CREB5: variants seen among roughly 807,000 people sequenced by gnomAD.
CREB5 encodes cAMP responsive element binding protein 5, also known as cyclic AMP-responsive element-binding protein 5.
In CREB5, 19 loss-of-function variants were observed where a neutral mutation model predicts 57.1. The ratio of observed to expected loss-of-function variants is 0.33; its 90% CI spans 0.23 to 0.49. CREB5 has a LOEUF of 0.49. CREB5 is among the 20% of genes least tolerant of loss of function. CREB5 has a pLI of 0.99. For missense variants in CREB5, 579 were observed against 671.6 expected, an observed-to-expected ratio of 0.86 and a Z score of 1.52; for synonymous variants, 238 against 238.3, an observed-to-expected ratio of 1.00 and a Z score of 0.01.
At chr7:28,784,262 C>T (rs1431622388) in intron 7 of CREB5, among the ~76,000 whole-genome samples, 2 of 152,222 alleles carry the variant, frequency 1.3e-5, no homozygotes, top group Non-Finnish European at 2.9e-5. Flanking sequence ...CAGCTTGACA[C>T]AGGAATCCTT....
At chr7:28,686,240 T>C (rs780179677) in intron 5 of CREB5, 1 of 1,511,996 alleles carries the variant, frequency 6.6e-7, no homozygotes, top group Non-Finnish European at 9.1e-7. Context: ...ATTTTATAGA[T>C]TTTTTTTGCC....
At chr7:28,621,530 A>G (rs532033004) in intron 5 of CREB5, among the ~76,000 whole-genome samples, 1 of 152,200 alleles carries the variant, frequency 6.6e-6, no homozygotes, top group African/African-American at 2.4e-5. Flanking sequence ...CAAAGTGGCC[A>G]CATGCGCTGT....
intron 5 of CREB5, among the ~76,000 whole-genome samples, chr7:28,599,534 T>C (rs1430445680): frequency 6.6e-6 from 1 of 152,148 alleles, no homozygotes; most frequent in East Asian, 1.9e-4. Flanking sequence ...CAGAAGGTCC[T>C]TTGCAGACAC....
At chr7:28,355,715 C>T (rs1203446111) in intron 1 of CREB5, among the ~76,000 whole-genome samples, 2 of 152,222 alleles carry the variant, frequency 1.3e-5, no homozygotes, top group African/African-American at 4.8e-5. Context: ...CTGCCATCAC[C>T]TGACAGGATA....
At chr7:28,554,939 G>T (rs766541797) in intron 4 of CREB5, among the ~76,000 whole-genome samples, 3 of 152,188 alleles carry the variant, frequency 2.0e-5, no homozygotes, top group Admixed American at 6.5e-5. Context: ...GGGCACTATT[G>T]AATAGATATA....
intron 3 of CREB5, among the ~76,000 whole-genome samples, chr7:28,498,788 T>G (rs1168315760): frequency 6.6e-6 from 1 of 152,192 alleles, no homozygotes; most frequent in Non-Finnish European, 1.5e-5. Context: ...CGCCTGGGTC[T>G]TCTCATCTTT....
chr7:28,807,258 C>A (rs1235672131), intron 8 of CREB5, among the ~76,000 whole-genome samples: 1 of 151,990 alleles, frequency 6.6e-6, no homozygotes, highest in African/African-American at 2.4e-5. Context: ...ACCTGCCTGG[C>A]CAAGATGGTG....
At chr7:28,589,287 G>C (rs1015808060) in intron 5 of CREB5, among the ~76,000 whole-genome samples, 4 of 152,124 alleles carry the variant, frequency 2.6e-5, no homozygotes, top group African/African-American at 9.7e-5. Context: ...GGGCGCAGTG[G>C]CTCACGCATG....
At chr7:28,539,892 C>T (rs1794136225) in intron 4 of CREB5, among the ~76,000 whole-genome samples, 1 of 152,170 alleles carries the variant, frequency 6.6e-6, no homozygotes, top group South Asian at 2.1e-4. Flanking sequence ...TGGTAACCAG[C>T]CCACCATCGC....
At chr7:28,722,715 A>G (rs1803111892) in intron 6 of CREB5, among the ~76,000 whole-genome samples, 1 of 152,238 alleles carries the variant, frequency 6.6e-6, no homozygotes, top group Non-Finnish European at 1.5e-5. Flanking sequence ...GGAAATGTAC[A>G]GAAAATTCAC....
At chr7:28,788,483 C>T (rs1391382144) in intron 7 of CREB5, among the ~76,000 whole-genome samples, 1 of 152,222 alleles carries the variant, frequency 6.6e-6, no homozygotes, top group Admixed American at 6.5e-5. Flanking sequence ...AAAATCTCAA[C>T]AGAAACAATC....
chr7:28,617,783 CTT>C (rs1797646438), intron 5 of CREB5, among the ~76,000 whole-genome samples: 1 of 152,132 alleles, frequency 6.6e-6, no homozygotes, highest in Non-Finnish European at 1.5e-5. Flanking sequence ...AAATCAGAGC[CTT>C]TCTTGGAGGC....
At chr7:28,641,551 T>A (rs572102648) in intron 5 of CREB5, among the ~76,000 whole-genome samples, 2 of 152,168 alleles carry the variant, frequency 1.3e-5, no homozygotes, top group Non-Finnish European at 2.9e-5. Context: ...CGTACCCTCC[T>A]TCGGGCATGG....
chr7:28,770,026 C>T (rs1042497591), intron 7 of CREB5, among the ~76,000 whole-genome samples: 2 of 152,162 alleles, frequency 1.3e-5, no homozygotes, highest in Admixed American at 1.3e-4. Flanking sequence ...ACTGCTGGCC[C>T]GCGACAGACA....
At chr7:28,588,190 T>C (rs1450497214) in intron 5 of CREB5, among the ~76,000 whole-genome samples, 1 of 152,184 alleles carries the variant, frequency 6.6e-6, no homozygotes. Context: ...GAGGGGGCCA[T>C]TTCCTATACG....
At chr7:28,493,886 T>C (rs1361722144) in intron 2 of CREB5, among the ~76,000 whole-genome samples, 1 of 152,230 alleles carries the variant, frequency 6.6e-6, no homozygotes. Context: ...ATCATATGTG[T>C]AATTTAAAAA....
At chr7:28,737,559 A>ATGTG (rs1804076857) in intron 7 of CREB5, among the ~76,000 whole-genome samples, 2 of 108,596 alleles carry the variant, frequency 1.8e-5, no homozygotes, top group African/African-American at 6.2e-5. Flanking sequence ...ATATATATAT[A>ATGTG]TATATATATA....
At chr7:28,356,593 C>T (rs1012540681) in intron 1 of CREB5, among the ~76,000 whole-genome samples, 14 of 152,150 alleles carry the variant, frequency 9.2e-5, no homozygotes, top group Non-Finnish European at 2.1e-4. Flanking sequence ...GCATTGCATT[C>T]AGCTACAAGT....
intron 5 of CREB5, among the ~76,000 whole-genome samples, chr7:28,659,429 C>T (rs1426199774): frequency 3.3e-5 from 5 of 152,054 alleles, no homozygotes; most frequent in African/African-American, 1.2e-4. Flanking sequence ...CTCAAGAATC[C>T]TTTTTATTCT....
Sources: gnomAD v4.1 joint callset for allele counts (sites outside exome capture counted in the v4.1 genomes callset) on GRCh38, gnomAD v4.1.1 for gene constraint, MANE v1.5 for transcripts, NCBI Gene and HGNC (gene_info 2026-07-23, HGNC 2026-07-21) for gene names.